TSC22D3: variants seen among roughly 807,000 people sequenced by gnomAD.
TSC22D3 encodes the protein TSC22 domain family member 3.
In TSC22D3, 4 loss-of-function variants were observed where a neutral mutation model predicts 11.1. That is an observed-to-expected ratio of 0.36 (90% CI 0.18 to 0.83). The LOEUF is 0.83. Ranked by LOEUF, TSC22D3 falls within the 40% of genes least tolerant of loss-of-function variation. TSC22D3 has a pLI of 0.48. For synonymous variants in TSC22D3, 77 were observed against 70.3 expected, an observed-to-expected ratio of 1.10 and a Z score of -0.48; for missense variants, 118 against 159.4, an observed-to-expected ratio of 0.74 and a Z score of 1.40.
chrX:107,725,740 G>A (rs753481598), intron 1 of TSC22D3, among the ~76,000 whole-genome samples: 13 of 111,714 alleles, frequency 1.2e-4, no homozygotes, highest in Admixed American at 9.5e-4. Context: ...TAAGAGGAAC[G>A]GATGCCTTTT....
rs12557714 is a variant in TSC22D3 at position 107,767,112 on chromosome X, C to T, written c.320+7988G>A. Among the ~76,000 whole-genome samples, 450 of 111,659 alleles carry T rather than the reference C, an allele frequency of 4.0e-3. 3 individuals carry two copies. Among genetic ancestry groups the T allele is most frequent in the Admixed American group, 0.036 (384 of 10,542 alleles). On this transcript the variant is annotated intron_variant, in intron 1 of 2. Transcript: ENST00000372383. ...AATCACCAGCCTAGATAGCACGGAG[C>T]GGGAATCCTGGCCAGACCCCTAAGC... is the stretch of plus-strand genomic sequence containing the variant.
intron 1 of TSC22D3, among the ~76,000 whole-genome samples, chrX:107,724,905 G>A (rs1465953914): frequency 3.6e-5 from 4 of 112,318 alleles, no homozygotes; most frequent in Non-Finnish European, 3.8e-5. Context: ...TCATATGGAC[G>A]CCTAAGAAAT....
chrX:107,749,986 A>C (rs769830078), intron 1 of TSC22D3, among the ~76,000 whole-genome samples: 1 of 111,909 alleles, frequency 8.9e-6, no homozygotes, highest in East Asian at 2.8e-4. Context: ...TGGAAGGCCT[A>C]TTAAAAATGT....
chrX:107,718,863 CAT>C (rs982087250), intron 1 of TSC22D3, among the ~76,000 whole-genome samples: 11 of 111,250 alleles, frequency 9.9e-5, no homozygotes, highest in Non-Finnish European at 1.9e-4. Flanking sequence ...TGCACTAAGA[CAT>C]GTGTAGTAGA....
intron 1 of TSC22D3, among the ~76,000 whole-genome samples, chrX:107,755,541 T>C (rs966298537): frequency 8.9e-6 from 1 of 112,607 alleles, no homozygotes; most frequent in African/African-American, 3.2e-5. Context: ...CTAATAATCA[T>C]GTTTTGTATC....
At position 107,762,663 on chromosome X, in the gene TSC22D3, ACCT is replaced by A. The variant is rs1929487364; in HGVS notation, c.320+12434_320+12436del. On this transcript the variant is annotated intron_variant, in intron 1 of 2. Coordinates refer to ENST00000372383, the MANE Select transcript of TSC22D3 (RefSeq NM_198057.3). ...ACAACATCCCTTGGTAATTTTGTCC[ACCT>A]CCTCTGAATGCTTGTAGTCAGGAAG... 3.7e-5 allele frequency among the ~76,000 whole-genome samples: 4 copies of A among 108,898 alleles called. No individual in the cohort carries two copies. In the South Asian group the frequency reaches 1.6e-3, roughly 43 times the overall value. 94.6% of individuals were successfully genotyped at this position (108,898 alleles called of 115,157 possible).
chrX:107,734,355 G>C (rs1365821615), intron 1 of TSC22D3, among the ~76,000 whole-genome samples: 1 of 112,755 alleles, frequency 8.9e-6, no homozygotes, highest in Admixed American at 9.4e-5. Flanking sequence ...CTCCCAAATT[G>C]TGGGGGCAAA....
At chrX:107,721,941 C>A in intron 1 of TSC22D3, 1 of 493,912 alleles carries the variant, frequency 2.0e-6, no homozygotes. Flanking sequence ...CGCTTATCTT[C>A]TCTCTTCCCT....
intron 1 of TSC22D3, among the ~76,000 whole-genome samples, chrX:107,752,810 AGAG>A (rs1165998348): frequency 8.9e-6 from 1 of 112,033 alleles, no homozygotes; most frequent in Non-Finnish European, 1.9e-5. Flanking sequence ...GCAGCCTTGC[AGAG>A]GAGAAGGGGC....
In TSC22D3 at chrX:107,775,462, G is replaced by A. The variant is rs776112248; in HGVS notation, c.-43C>T. On this transcript the variant is annotated 5_prime_UTR_variant, in exon 1 of 3. Coordinates refer to ENST00000372383, the MANE Select transcript of TSC22D3 (RefSeq NM_198057.3). ...TCGCCTGGCCTGCGAGGTCAGGGGC[G>A]GCTGGCAGGTGCGCGCCCACCGAGC... is the stretch of plus-strand genomic sequence containing the variant. 14 of 1,096,145 alleles carry A rather than the reference G, an allele frequency of 1.3e-5. No homozygotes were observed. The highest frequency in any genetic ancestry group is 2.9e-5 in the Admixed American group (1 of 34,505). 90.3% of individuals were successfully genotyped at this position (1,096,145 alleles called of 1,213,427 possible).
chrX:107,759,920 C>G (rs1012171217), intron 1 of TSC22D3, among the ~76,000 whole-genome samples: 3 of 112,268 alleles, frequency 2.7e-5, no homozygotes, highest in Non-Finnish European at 3.8e-5. Context: ...AGGAAATTCA[C>G]GGTCCTGAGT....
rs749351503 is a variant in TSC22D3 at position 107,729,214 on chromosome X, C to T, written c.321-13264G>A. Reference sequence around the variant, plus strand: ...CCGTTTGCTTGCTCATCAAAACATCCTCCCTGGGTGCATCCTCCCCCAGCT... The same window carrying T: ...CCGTTTGCTTGCTCATCAAAACATCTTCCCTGGGTGCATCCTCCCCCAGCT... On this transcript the variant is annotated intron_variant, in intron 1 of 2. Transcript: ENST00000372383. Among the ~76,000 whole-genome samples the T allele has an allele frequency of 6.3e-5, 7 of 111,905 alleles. No homozygotes were observed. The South Asian group carries it at 2.3e-3, about 36-fold the overall frequency.
intron 1 of TSC22D3, among the ~76,000 whole-genome samples, chrX:107,718,991 T>C (rs943436170): frequency 4.5e-5 from 5 of 112,114 alleles, no homozygotes; most frequent in African/African-American, 1.6e-4. Context: ...AATATTAATT[T>C]GCCCTCTGCA....
chrX:107,722,207 G>A (rs1927370196), intron 1 of TSC22D3: 1 of 208,695 alleles, frequency 4.8e-6, no homozygotes, highest in African/African-American at 2.9e-5. Context: ...TGATGAGTGG[G>A]AGGGAGCCCA....
intron 1 of TSC22D3, among the ~76,000 whole-genome samples, chrX:107,749,976 T>C (rs906401873): frequency 8.9e-6 from 1 of 111,859 alleles, no homozygotes; most frequent in Non-Finnish European, 1.9e-5. Context: ...CAATCGGTAC[T>C]GGAAGGCCTA....
intron 1 of TSC22D3, among the ~76,000 whole-genome samples, chrX:107,742,716 C>T (rs1479246793): frequency 9.0e-6 from 1 of 111,634 alleles, no homozygotes; most frequent in Non-Finnish European, 1.9e-5. Flanking sequence ...TATGGCAAGT[C>T]TGCCTGCCCC....
chrX:107,723,927 T>A (rs1927484074), intron 1 of TSC22D3, among the ~76,000 whole-genome samples: 1 of 112,279 alleles, frequency 8.9e-6, no homozygotes, highest in Admixed American at 9.4e-5. Flanking sequence ...GAATGGGTGA[T>A]CTTTGAAGTG....
chrX:107,722,626 A>G (rs943190945), intron 1 of TSC22D3, among the ~76,000 whole-genome samples: 3 of 111,755 alleles, frequency 2.7e-5, no homozygotes, highest in Non-Finnish European at 3.8e-5. Flanking sequence ...TTGTGTCAAT[A>G]TTTATGCTTG....
At chrX:107,760,155 C>T (rs928764017) in intron 1 of TSC22D3, among the ~76,000 whole-genome samples, 9 of 113,086 alleles carry the variant, frequency 8.0e-5, no homozygotes, top group South Asian at 3.6e-4. Context: ...TTTTCCAACC[C>T]GAACAGCAAG....
Sources: gnomAD v4.1 joint callset for allele counts (sites outside exome capture counted in the v4.1 genomes callset) on GRCh38, gnomAD v4.1.1 for gene constraint, MANE v1.5 for transcripts, NCBI Gene and HGNC (gene_info 2026-07-23, HGNC 2026-07-21) for gene names.